GINM1: variants seen among roughly 807,000 people sequenced by gnomAD.
GINM1 encodes glycoprotein integral membrane protein 1.
GINM1 carries 29 observed loss-of-function variants against 37.8 expected under a neutral mutation model. The ratio of observed to expected loss-of-function variants is 0.77; its 90% CI spans 0.57 to 1.05. The LOEUF (loss-of-function observed/expected upper bound fraction) is 1.05, where lower values mean the gene tolerates loss of function less well. Among genes scored for constraint, GINM1 ranks in the 50% least tolerant of loss-of-function variants. The pLI is 0.00. For missense variants in GINM1, 377 were observed against 397.9 expected, an observed-to-expected ratio of 0.95 and a Z score of 0.45; for synonymous variants, 143 against 146.2, an observed-to-expected ratio of 0.98 and a Z score of 0.16.
intron 7 of GINM1, among the ~76,000 whole-genome samples, chr6:149,585,746 C>T (rs1440428891): frequency 6.6e-6 from 1 of 152,100 alleles, no homozygotes; most frequent in Non-Finnish European, 1.5e-5. Flanking sequence ...GCACCCACCA[C>T]CACGCCCAGC....
At chr6:149,577,112 G>A (rs865849509) in intron 3 of GINM1, among the ~76,000 whole-genome samples, 4 of 152,192 alleles carry the variant, frequency 2.6e-5, no homozygotes, top group Admixed American at 1.3e-4. Flanking sequence ...ACCAGGCCCC[G>A]CCTCCAACAT....
chr6:149,569,897 A>C (rs972077802), intron 1 of GINM1, among the ~76,000 whole-genome samples: 2 of 151,750 alleles, frequency 1.3e-5, no homozygotes, highest in African/African-American at 2.4e-5. Flanking sequence ...TTTTAAGTAT[A>C]TGCAACCCTG....
chr6:149,572,744 C>T, intron 3 of GINM1, 141 bp downstream of exon 3: 1 of 633,510 alleles, frequency 1.6e-6, no homozygotes, highest in Non-Finnish European at 2.8e-6. Flanking sequence ...TCACTGCAAC[C>T]TCTACCTCCT....
intron 7 of GINM1, among the ~76,000 whole-genome samples, chr6:149,585,502 G>A (rs968485150): frequency 6.6e-6 from 1 of 152,008 alleles, no homozygotes; most frequent in Non-Finnish European, 1.5e-5. Context: ...AACTTTCTTG[G>A]TTTACAGTAT....
rs142087521 is a variant in GINM1 at position 149,589,766 on chromosome 6, C to T, written c.882-961C>T. On this transcript the variant is annotated intron_variant, in intron 7 of 7. Coordinates refer to ENST00000367419, the MANE Select transcript of GINM1 (RefSeq NM_138785.5). Reference sequence around the variant, plus strand: ...TGTCCTAGTGATCTATTTGTCTATTCCTGTGCCAGTAGCACAGTTTTAATT... The same window carrying T: ...TGTCCTAGTGATCTATTTGTCTATTTCTGTGCCAGTAGCACAGTTTTAATT... Among the ~76,000 whole-genome samples, 168 of 152,146 alleles carry T rather than the reference C, an allele frequency of 1.1e-3. 1 individual carries two copies. The highest frequency in any genetic ancestry group is 3.9e-3 in the African/African-American group (163 of 41,518).
At chr6:149,583,778 A>G (rs1007080218) in intron 7 of GINM1, among the ~76,000 whole-genome samples, 31 of 152,196 alleles carry the variant, frequency 2.0e-4, no homozygotes, top group African/African-American at 6.5e-4. Flanking sequence ...TAGGTAAAAC[A>G]AAAGTATTAT....
intron 7 of GINM1, among the ~76,000 whole-genome samples, chr6:149,583,270 C>A (rs1778026611): frequency 6.6e-6 from 1 of 152,122 alleles, no homozygotes; most frequent in African/African-American, 2.4e-5. Flanking sequence ...TGAGACCAGC[C>A]TGGCCAATAT....
In GINM1 at chr6:149,566,674, C is replaced by A; in HGVS notation, c.120+140C>A. ...CCCCCGAAGGAGGTGTGGGGAGAAGCACCCCAGGAAATGGGGGCGGCGTGG... is the reference window on the plus strand; with the variant it reads ...CCCCCGAAGGAGGTGTGGGGAGAAGAACCCCAGGAAATGGGGGCGGCGTGG... On this transcript the variant is annotated intron_variant, in intron 1 of 7. Coordinates refer to ENST00000367419, the MANE Select transcript of GINM1 (RefSeq NM_138785.5). This position sits in a 1 kb window ranked among gnomAD's most constrained non-coding sequence, Gnocchi z 4.4. 1.7e-6 allele frequency: 2 copies of A among 1,194,214 alleles called. No homozygotes were observed. The highest frequency in any genetic ancestry group is 2.2e-6 in the Non-Finnish European group (2 of 909,156). The allele number at this position is 1,194,214 out of a possible 1,614,324, so 74.0% of individuals were successfully genotyped here.
Position 149,566,575 on chromosome 6 carries a change from A to G in GINM1, c.120+41A>G. ...CCTGGCTGGCCGCTTTACGACTCCG[A>G]CTCTCCGGGAGGCCCGGGCTGTCCA... On this transcript the variant is annotated intron_variant, in intron 1 of 7. Transcript: ENST00000367419. The surrounding 1 kb of genome is among the most constrained non-coding windows in gnomAD (Gnocchi z 4.4). 6.9e-7 allele frequency: 1 copy of G among 1,443,916 alleles called. No homozygotes were observed. Among genetic ancestry groups the G allele is most frequent in the Non-Finnish European group, 9.1e-7 (1 of 1,098,236 alleles). 89.4% of individuals were successfully genotyped at this position (1,443,916 alleles called of 1,614,324 possible).
In GINM1 at chr6:149,590,780, T is replaced by G; in HGVS notation, c.935T>G (p.Leu312Ter). Residue 312 changes from leucine (L) to a stop codon, truncating the protein, a stop_gained, in exon 8 of 8, where the codon TTA (leucine) becomes TGA (stop). Transcript: ENST00000367419. LOFTEE classifies it high-confidence loss of function. ...VDVIPVTAIN[L>*]YPDGPEKRAE... ...GTCATACCTGTGACAGCTATCAACTTATATCCAGATGGTCCAGAGAAAAGA... is the reference window on the plus strand; with the variant it reads ...GTCATACCTGTGACAGCTATCAACTGATATCCAGATGGTCCAGAGAAAAGA... 6.2e-7 allele frequency: 1 copy of G among 1,606,108 alleles called. No individual in the cohort carries two copies.
At chr6:149,573,757 G>A (rs182776455) in intron 3 of GINM1, among the ~76,000 whole-genome samples, 3 of 151,614 alleles carry the variant, frequency 2.0e-5, no homozygotes, top group Admixed American at 6.6e-5. Flanking sequence ...TGTAGTCCCA[G>A]CTACTCCTGA....
At chr6:149,572,201 A>G in intron 1 of GINM1, 84 bp from the exon 2 acceptor site, 2 of 733,400 alleles carry the variant, frequency 2.7e-6, no homozygotes, top group Non-Finnish European at 4.7e-6. Context: ...TACAATAGAT[A>G]CAATTGGAGG....
intron 1 of GINM1, among the ~76,000 whole-genome samples, chr6:149,568,110 C>G (rs529007731): frequency 3.4e-4 from 52 of 152,332 alleles, no homozygotes; most frequent in African/African-American, 1.3e-3. Flanking sequence ...GATCTAAACT[C>G]GGAAATTCAC....
Position 149,579,932 on chromosome 6 carries a change from C to G in GINM1, c.528C>G (p.Leu176=), listed in dbSNP as rs753852891. The change falls in exon 5 of 8, where the codon CTC becomes CTG. Residue 176 remains leucine (L), a synonymous_variant. Coordinates refer to ENST00000367419, the MANE Select transcript of GINM1 (RefSeq NM_138785.5). ...NYTLPLEESM[L]YSISRDSDIL... ...CCCTCCCTTTGGAAGAAAGCATGCT[C>G]TACTCTATTTCTCGAGACAGTGACA... The G allele has an allele frequency of 2.5e-6, 4 of 1,610,824 alleles. No individual in the cohort carries two copies. The highest frequency in any genetic ancestry group is 1.3e-5 in the African/African-American group (1 of 74,816).
Position 149,566,435 on chromosome 6 carries a change from G to C in GINM1, c.21G>C (p.Gly7=), listed in dbSNP as rs1330128002. The C allele has an allele frequency of 6.4e-7, 1 of 1,572,404 alleles. No individual in the cohort carries two copies. Among genetic ancestry groups the C allele is most frequent in the East Asian group, 2.4e-5 (1 of 42,182 alleles). The change falls in exon 1 of 8, where the codon GGG becomes GGC. Residue 7 remains glycine, a synonymous_variant. Coordinates refer to ENST00000367419, the MANE Select transcript of GINM1 (RefSeq NM_138785.5). This position sits in a 1 kb window ranked among gnomAD's most constrained non-coding sequence, Gnocchi z 4.4. The part of the protein sequence containing the change: MEGAPP[G]SLALRLLLFV... ...CCAAGATGGAGGGCGCTCCACCGGG[G>C]TCGCTCGCCCTCCGGCTCCTGCTGT...
chr6:149,585,320 C>T (rs565371208), intron 7 of GINM1, among the ~76,000 whole-genome samples: 2 of 152,272 alleles, frequency 1.3e-5, no homozygotes, highest in African/African-American at 4.8e-5. Flanking sequence ...TATCCCTTCT[C>T]TGTTCTTCAA....
chr6:149,569,865 C>CT (rs1294458037), intron 1 of GINM1, among the ~76,000 whole-genome samples: 3 of 151,740 alleles, frequency 2.0e-5, no homozygotes, highest in Admixed American at 6.6e-5. Flanking sequence ...TAGGGAGAAA[C>CT]TTTTCAGTGT....
chr6:149,589,913 C>T (rs74823260), intron 7 of GINM1, among the ~76,000 whole-genome samples: 2,464 of 152,302 alleles, frequency 0.016, 64 homozygotes, highest in African/African-American at 0.057. Context: ...ATCCTCCCAC[C>T]TCAGCCTCCT....
chr6:149,578,525 CAAAAAAAA>C (rs145601764), intron 3 of GINM1, among the ~76,000 whole-genome samples: 4 of 71,420 alleles, frequency 5.6e-5, no homozygotes, highest in Admixed American at 1.5e-4. Context: ...GACTCCATCT[CAAAAAAAA>C]AAAAAAAAAA....
Sources: gnomAD v4.1 joint callset for allele counts (sites outside exome capture counted in the v4.1 genomes callset) on GRCh38, gnomAD v4.1.1 for gene constraint, Gnocchi (gnomAD v3.1) non-coding constraint, MANE v1.5 for transcripts, NCBI Gene and HGNC (gene_info 2026-07-23, HGNC 2026-07-21) for gene names.